NRCAM: variants seen among roughly 807,000 people sequenced by gnomAD.
NRCAM encodes the protein NgCAM-related cell adhesion molecule.
Under a neutral mutation model 156.5 loss-of-function variants are expected in NRCAM, and 83 were observed. The ratio of observed to expected loss-of-function variants is 0.53; its 90% CI spans 0.44 to 0.64. NRCAM has a LOEUF of 0.64. Among genes scored for constraint, NRCAM ranks in the 30% least tolerant of loss-of-function variants. The pLI is 0.00. For missense variants in NRCAM, 1,417 were observed against 1,597.3 expected (o/e 0.89, Z 1.92); for synonymous variants, 538 against 563.9 (o/e 0.95, Z 0.65).
chr7:108,449,466 G>C (rs2051342195), intron 1 of NRCAM, among the ~76,000 whole-genome samples: 1 of 152,152 alleles, frequency 6.6e-6, no homozygotes, highest in South Asian at 2.1e-4. Flanking sequence ...TCTCTATTGA[G>C]GTAAGGGACT....
chr7:108,414,101 T>C (rs923599296), intron 1 of NRCAM, among the ~76,000 whole-genome samples: 2 of 152,170 alleles, frequency 1.3e-5, no homozygotes, highest in Non-Finnish European at 2.9e-5. Flanking sequence ...CAGAGGGTCA[T>C]GGTAACATAA....
At chr7:108,218,005 A>G (rs2090252760) in intron 11 of NRCAM, among the ~76,000 whole-genome samples, 1 of 152,030 alleles carries the variant, frequency 6.6e-6, no homozygotes, top group African/African-American at 2.4e-5. Context: ...GTCTGCCCAA[A>G]TGGTCGCCCA....
In NRCAM at chr7:108,207,510, C is replaced by A; in HGVS notation, c.1207+18G>T. ...CTCTGAAAATATACTGCAATTAGAA[C>A]CACTCAAGGCAACTTACTTTCTATT... On this transcript the variant is annotated intron_variant, in intron 13 of 32. Coordinates refer to ENST00000379028, the MANE Select transcript of NRCAM (RefSeq NM_001037132.4). The A allele has an allele frequency of 6.2e-7, 1 of 1,611,546 alleles. No individual in the cohort carries two copies. The highest frequency in any genetic ancestry group is 8.5e-7 in the Non-Finnish European group (1 of 1,179,034).
intron 3 of NRCAM, among the ~76,000 whole-genome samples, chr7:108,306,785 G>T (rs1318934404): frequency 6.6e-6 from 1 of 152,172 alleles, no homozygotes; most frequent in African/African-American, 2.4e-5. Flanking sequence ...ACCCTGTCTG[G>T]CCTGAAAGGA....
intron 20 of NRCAM, among the ~76,000 whole-genome samples, chr7:108,185,749 A>AAAG (rs2066356322): frequency 1.3e-5 from 2 of 151,598 alleles, no homozygotes; most frequent in Admixed American, 6.6e-5. Context: ...AAAAAAAAAA[A>AAAG]AGAATAGGGC....
intron 1 of NRCAM, among the ~76,000 whole-genome samples, chr7:108,413,812 C>T (rs574047963): frequency 1.8e-4 from 27 of 152,228 alleles, no homozygotes; most frequent in Admixed American, 2.6e-4. Context: ...CCCAGGTTTG[C>T]CTGCCCCTCT....
At chr7:108,256,104 C>G (rs567849093) in intron 3 of NRCAM, among the ~76,000 whole-genome samples, 1 of 130,852 alleles carries the variant, frequency 7.6e-6, no homozygotes, top group African/African-American at 2.8e-5. Context: ...TCTGCCCGGC[C>G]GCCACCCCGT....
At chr7:108,170,898 T>C (rs2058091111) in intron 28 of NRCAM, among the ~76,000 whole-genome samples, 1 of 152,042 alleles carries the variant, frequency 6.6e-6, no homozygotes, top group Non-Finnish European at 1.5e-5. Flanking sequence ...GGTACAAACT[T>C]TCAGTTATAA....
intron 32 of NRCAM, among the ~76,000 whole-genome samples, chr7:108,150,420 TC>T (rs1209980284): frequency 6.6e-6 from 1 of 152,192 alleles, no homozygotes; most frequent in East Asian, 1.9e-4. Flanking sequence ...TTGAAAGCAA[TC>T]CAGAAATAAT....
intron 3 of NRCAM, among the ~76,000 whole-genome samples, chr7:108,244,165 G>A (rs1479792270): frequency 2.0e-5 from 3 of 151,930 alleles, no homozygotes; most frequent in East Asian, 3.9e-4. Flanking sequence ...TGAAGGCCAC[G>A]CATTACTCGC....
At chr7:108,190,012 TG>T (rs755568362) in intron 19 of NRCAM, among the ~76,000 whole-genome samples, 55 of 152,172 alleles carry the variant, frequency 3.6e-4, no homozygotes, top group Non-Finnish European at 8.8e-5. Context: ...CAGACACATG[TG>T]GTTCATCAGC....
In NRCAM at chr7:108,289,886, G is replaced by C. The variant is rs1211072596; in HGVS notation, c.-107+22779C>G. Among the ~76,000 whole-genome samples the C allele has an allele frequency of 2.0e-5, 3 of 152,212 alleles. No homozygotes were observed. The East Asian group carries it at 5.8e-4, about 29-fold the overall frequency. On this transcript the variant is annotated intron_variant, in intron 3 of 32. Transcript: ENST00000379028. ...TGGGGACTAGAATCTGTATTGCAGT[G>C]AATCCTTCAGGTGATTCTGATGCAC...
intron 1 of NRCAM, among the ~76,000 whole-genome samples, chr7:108,451,081 TG>T (rs1214109587): frequency 6.6e-6 from 1 of 151,932 alleles, no homozygotes; most frequent in Non-Finnish European, 1.5e-5. Flanking sequence ...TAGCTGGGCA[TG>T]GTGGCAGGTG....
intron 3 of NRCAM, among the ~76,000 whole-genome samples, chr7:108,312,451 G>A (rs943108670): frequency 2.0e-5 from 3 of 151,970 alleles, no homozygotes; most frequent in Admixed American, 6.6e-5. Context: ...AAGGACATGA[G>A]GGCTGGTTTA....
chr7:108,187,318 T>C (rs1587136649), intron 20 of NRCAM, among the ~76,000 whole-genome samples: 1 of 152,080 alleles, frequency 6.6e-6, no homozygotes, highest in South Asian at 2.1e-4. Flanking sequence ...GCCCTCACTT[T>C]CCCTTTTTCA....
chr7:108,282,994 T>C (rs1387392930), intron 3 of NRCAM, among the ~76,000 whole-genome samples: 1 of 152,230 alleles, frequency 6.6e-6, no homozygotes, highest in Non-Finnish European at 1.5e-5. Flanking sequence ...ATGATTCTAA[T>C]ATGCAGCCTA....
At chr7:108,288,310 C>T (rs1026531167) in intron 3 of NRCAM, among the ~76,000 whole-genome samples, 6 of 151,932 alleles carry the variant, frequency 3.9e-5, no homozygotes, top group Non-Finnish European at 7.4e-5. Context: ...TGGGGTGATG[C>T]GTAACATTAA....
chr7:108,400,301 A>C (rs2099788591), intron 1 of NRCAM, among the ~76,000 whole-genome samples: 1 of 152,246 alleles, frequency 6.6e-6, no homozygotes, highest in South Asian at 2.1e-4. Flanking sequence ...GGAATGCTTC[A>C]AAAAGCTTCT....
chr7:108,207,949 A>G (rs183924864), intron 12 of NRCAM, among the ~76,000 whole-genome samples: 2 of 152,248 alleles, frequency 1.3e-5, no homozygotes, highest in African/African-American at 4.8e-5. Context: ...TGACAGATTT[A>G]TCTAAGCATA....
Sources: allele counts gnomAD v4.1 joint callset (sites outside exome capture counted in the v4.1 genomes callset), GRCh38; gene constraint gnomAD v4.1.1; transcripts MANE v1.5; gene names NCBI Gene and HGNC (gene_info 2026-07-23, HGNC 2026-07-21).